Variants in QKI observed in about 807,000 individuals in gnomAD.
QKI encodes QKI, KH domain containing RNA binding, also known as KH domain-containing RNA-binding protein QKI.
QKI carries 10 observed loss-of-function variants against 39.0 expected under a neutral mutation model. The ratio of observed to expected loss-of-function variants is 0.26; its 90% CI spans 0.16 to 0.43. The LOEUF is 0.43. QKI is among the 20% of genes least tolerant of loss of function. QKI has a pLI of 1.00. For missense variants in QKI, 218 were observed against 428.0 expected (o/e 0.51, Z 4.33); for synonymous variants, 204 against 155.4 (o/e 1.31, Z -2.33).
chr6:163,437,409 A>G (rs1015682468), intron 1 of QKI, among the ~76,000 whole-genome samples: 3 of 152,200 alleles, frequency 2.0e-5, no homozygotes, highest in Non-Finnish European at 4.4e-5. Context: ...TTATTTGTTT[A>G]TGAGATGATA....
intron 4 of QKI, among the ~76,000 whole-genome samples, chr6:163,545,137 T>C (rs888568914): frequency 6.6e-6 from 1 of 152,132 alleles, no homozygotes; most frequent in African/African-American, 2.4e-5. Context: ...TAAGGTACTC[T>C]CATGGGTATG....
intron 3 of QKI, among the ~76,000 whole-genome samples, chr6:163,519,456 G>T (rs778400053): frequency 6.6e-6 from 1 of 151,796 alleles, no homozygotes; most frequent in South Asian, 2.1e-4. Flanking sequence ...GCACAGTGGC[G>T]ACAGAGATGA....
intron 1 of QKI, among the ~76,000 whole-genome samples, chr6:163,430,816 A>G (rs770762157): frequency 1.3e-5 from 2 of 152,170 alleles, no homozygotes; most frequent in Admixed American, 6.5e-5. Context: ...CTGATGTTTG[A>G]AAAGTGTGTT....
intron 5 of QKI, among the ~76,000 whole-genome samples, chr6:163,563,094 A>G (rs1205605949): frequency 6.6e-6 from 1 of 152,230 alleles, no homozygotes; most frequent in African/African-American, 2.4e-5. Flanking sequence ...CAAGTGTTTC[A>G]TTGTGCTTCT....
At chr6:163,526,936 A>G (rs1396614615) in intron 3 of QKI, among the ~76,000 whole-genome samples, 2 of 152,222 alleles carry the variant, frequency 1.3e-5, no homozygotes, top group Admixed American at 1.3e-4. Context: ...CTGGCAGTCA[A>G]TAAGTACTGT....
intron 3 of QKI, among the ~76,000 whole-genome samples, chr6:163,482,715 GC>G (rs1057220944): frequency 6.6e-6 from 1 of 152,252 alleles, no homozygotes; most frequent in Non-Finnish European, 1.5e-5. Context: ...GTGGGAAGGG[GC>G]TCAGAGCTCC....
rs1261584331 is a variant in QKI at position 163,570,753 on chromosome 6, C to G, written c.*43C>G. ...TCTGAACTCTTCACCCAATGATGAC[C>G]TGACCATGCCTGCCTGCTGATCAGT... On this transcript the variant is annotated 3_prime_UTR_variant, in exon 8 of 8. Coordinates refer to ENST00000361752, the MANE Select transcript of QKI (RefSeq NM_006775.3). 7 of 1,609,116 alleles carry G rather than the reference C, an allele frequency of 4.4e-6. No individual in the cohort carries two copies. Among genetic ancestry groups the G allele is most frequent in the Admixed American group, 1.7e-5 (1 of 59,614 alleles).
Position 163,553,046 on chromosome 6 carries a change from C to A in QKI, c.547-8936C>A, listed in dbSNP as rs374916961. 5.2e-5 allele frequency among the ~76,000 whole-genome samples: 7 copies of A among 135,110 alleles called. 1 individual carries two copies. The East Asian group carries it at 1.3e-3, about 24-fold the overall frequency. The allele number at this position is 135,110 out of a possible 152,430, so 88.6% of individuals were successfully genotyped here. ...TTTAGATAGTCATAATTTTCAGGTTCTTTTTTTTTTTTAATTTTTATTTAT... is the reference window on the plus strand; with the variant it reads ...TTTAGATAGTCATAATTTTCAGGTTATTTTTTTTTTTTAATTTTTATTTAT... On this transcript the variant is annotated intron_variant, in intron 4 of 7. Coordinates refer to ENST00000361752, the MANE Select transcript of QKI (RefSeq NM_006775.3).
chr6:163,547,975 T>C (rs745867561), intron 4 of QKI, among the ~76,000 whole-genome samples: 9 of 152,218 alleles, frequency 5.9e-5, no homozygotes, highest in Non-Finnish European at 5.9e-5. Flanking sequence ...TGCCTACTTT[T>C]CCAACTTTGT....
At position 163,578,000 on chromosome 6, in the gene QKI, T is replaced by C. The variant is rs1346878289; in HGVS notation, c.*7290T>C. On this transcript the variant is annotated 3_prime_UTR_variant, in exon 8 of 8. Transcript: ENST00000361752. ...ATACATATGTCTAAAATAATAGTCA[T>C]GGTAAGTTTGGCATCATATCTTCCC... The C allele has an allele frequency of 1.3e-5, 2 of 152,164 alleles. No individual in the cohort carries two copies. The highest frequency in any genetic ancestry group is 3.9e-4 in the East Asian group (2 of 5,192). The allele number at this position is 152,164 out of a possible 1,614,324, so 9.4% of individuals were successfully genotyped here.
chr6:163,449,255 T>C (rs1182425932), intron 1 of QKI, among the ~76,000 whole-genome samples: 1 of 152,206 alleles, frequency 6.6e-6, no homozygotes, highest in Non-Finnish European at 1.5e-5. Flanking sequence ...TATCAAATTA[T>C]GTATGTGTTT....
chr6:163,472,357 A>T (rs1173664372), intron 2 of QKI, among the ~76,000 whole-genome samples: 1 of 152,138 alleles, frequency 6.6e-6, no homozygotes, highest in Admixed American at 6.6e-5. Context: ...GAGGAGGAAG[A>T]TTCAGGTTTG....
chr6:163,495,587 T>C (rs1778356998), intron 3 of QKI, among the ~76,000 whole-genome samples: 1 of 152,204 alleles, frequency 6.6e-6, no homozygotes, highest in Non-Finnish European at 1.5e-5. Context: ...AATATTGTTA[T>C]TTGATGGACA....
At position 163,571,991 on chromosome 6, in the gene QKI, A is replaced by G. The variant is rs1783723121; in HGVS notation, c.*1281A>G. ...AAAGAAGATATGAGGGAGACAAATG[A>G]GTTGATAGTTTGAATTATAGGATTT... On this transcript the variant is annotated 3_prime_UTR_variant, in exon 8 of 8. Coordinates refer to ENST00000361752, the MANE Select transcript of QKI (RefSeq NM_006775.3). 6.6e-6 allele frequency: 1 copy of G among 152,196 alleles called. No individual in the cohort carries two copies. Among genetic ancestry groups the G allele is most frequent in the Non-Finnish European group, 1.5e-5 (1 of 68,034 alleles). The allele number at this position is 152,196 out of a possible 1,614,324, so 9.4% of individuals were successfully genotyped here. A position where few individuals can be genotyped will look rare whatever the true frequency, so the allele number is the denominator to read the frequency against.
chr6:163,548,838 GAA>G (rs1031197657), intron 4 of QKI, among the ~76,000 whole-genome samples: 30 of 152,298 alleles, frequency 2.0e-4, no homozygotes, highest in Admixed American at 3.9e-4. Flanking sequence ...GTGGATGTGT[GAA>G]AGGAGACCCG....
chr6:163,506,604 C>T (rs1164510029), intron 3 of QKI, among the ~76,000 whole-genome samples: 3 of 152,092 alleles, frequency 2.0e-5, no homozygotes, highest in Non-Finnish European at 1.5e-5. Flanking sequence ...TTTCCTACTC[C>T]TTTGATCCTA....
At chr6:163,517,278 T>C (rs1296935851) in intron 3 of QKI, among the ~76,000 whole-genome samples, 2 of 152,190 alleles carry the variant, frequency 1.3e-5, no homozygotes, top group Non-Finnish European at 2.9e-5. Flanking sequence ...AAAGCCCTCT[T>C]TTAAAGACTT....
At chr6:163,445,062 A>C (rs1317515027) in intron 1 of QKI, among the ~76,000 whole-genome samples, 3 of 151,948 alleles carry the variant, frequency 2.0e-5, no homozygotes, top group African/African-American at 7.3e-5. Flanking sequence ...ACACCACCAC[A>C]CCTGGCTAAT....
chr6:163,471,622 A>G (rs758862842), intron 2 of QKI, among the ~76,000 whole-genome samples: 11 of 152,152 alleles, frequency 7.2e-5, no homozygotes, highest in Non-Finnish European at 1.2e-4. Context: ...TGTTGTAAAT[A>G]CTAGGGTGAA....
Sources: allele counts gnomAD v4.1 joint callset (sites outside exome capture counted in the v4.1 genomes callset), GRCh38; gene constraint gnomAD v4.1.1; transcripts MANE v1.5; gene names NCBI Gene and HGNC (gene_info 2026-07-23, HGNC 2026-07-21).